The following CNNM2 variants were observed in gnomAD, a reference collection of about 807,000 sequenced individuals.
CNNM2 encodes metal transporter CNNM2.
In CNNM2, 12 loss-of-function variants were observed where a neutral mutation model predicts 66.9. That is an observed-to-expected ratio of 0.18 (90% CI 0.11 to 0.29). CNNM2 has a LOEUF of 0.29. CNNM2 is among the 10% of genes least tolerant of loss of function. The pLI, the probability that CNNM2 is intolerant of heterozygous loss-of-function variation, is 1.00. For missense variants in CNNM2, 705 were observed against 1,167.7 expected (o/e 0.60, Z 5.77); for synonymous variants, 557 against 501.8 (o/e 1.11, Z -1.47).
intron 1 of CNNM2, among the ~76,000 whole-genome samples, chr10:102,930,016 T>C (rs917562297): frequency 6.6e-6 from 1 of 152,226 alleles, no homozygotes; most frequent in Non-Finnish European, 1.5e-5. Context: ...AGTATTTTTT[T>C]CCCCTGGAAA....
At chr10:102,981,180 C>T (rs2063713524) in intron 1 of CNNM2, among the ~76,000 whole-genome samples, 1 of 151,666 alleles carries the variant, frequency 6.6e-6, no homozygotes, top group Non-Finnish European at 1.5e-5. Context: ...AACCCTATCT[C>T]TACAAAAAAA....
chr10:102,975,321 A>G (rs544908080), intron 1 of CNNM2, among the ~76,000 whole-genome samples: 1 of 152,310 alleles, frequency 6.6e-6, no homozygotes, highest in African/African-American at 2.4e-5. Flanking sequence ...ACATGTTATC[A>G]AATTTATTAT....
At chr10:102,921,839 T>C (rs749424959) in intron 1 of CNNM2, among the ~76,000 whole-genome samples, 5 of 152,222 alleles carry the variant, frequency 3.3e-5, no homozygotes, top group Admixed American at 6.5e-5. Context: ...TACTTCTTGC[T>C]GAAGTCTTTT....
In CNNM2 at chr10:103,089,665, TTCC is replaced by T; in HGVS notation, c.*12490_*12492del. The T allele has an allele frequency of 3.2e-6, 5 of 1,585,556 alleles. No homozygotes were observed. The highest frequency in any genetic ancestry group is 4.3e-6 in the Non-Finnish European group (5 of 1,166,122). ...TTAATGGGTGCTTGGGGTTTTGGTT[TTCC>T]TCCTTATTCTTCCTCCTCCTCCTCC... On this transcript the variant is annotated 3_prime_UTR_variant, in exon 8 of 8. Coordinates refer to ENST00000369878, the MANE Select transcript of CNNM2 (RefSeq NM_017649.5).
chr10:103,061,488 G>A (rs2065385394), intron 4 of CNNM2, among the ~76,000 whole-genome samples: 1 of 152,072 alleles, frequency 6.6e-6, no homozygotes, highest in Admixed American at 6.5e-5. Flanking sequence ...CAGAGTCAGT[G>A]TTCTGTTGGC....
rs981123557 is a variant in CNNM2 at position 103,087,000 on chromosome 10, G to T, written c.*9820G>T. 1.3e-5 allele frequency: 2 copies of T among 152,188 alleles called. No individual in the cohort carries two copies. Among genetic ancestry groups the T allele is most frequent in the Admixed American group, 6.5e-5 (1 of 15,280 alleles). The allele number at this position is 152,188 out of a possible 1,614,324, so 9.4% of individuals were successfully genotyped here. ...GCTAGGGGACCTGTCAGTACATGCT[G>T]TAAGGTTGGGAGTTCAGTCTAGCAA... On this transcript the variant is annotated 3_prime_UTR_variant, in exon 8 of 8. Coordinates refer to ENST00000369878, the MANE Select transcript of CNNM2 (RefSeq NM_017649.5).
chr10:103,020,111 T>C (rs2064541744), intron 1 of CNNM2, among the ~76,000 whole-genome samples: 1 of 152,202 alleles, frequency 6.6e-6, no homozygotes, highest in Non-Finnish European at 1.5e-5. Context: ...ATATTTTGAC[T>C]TTTTTAGCCA....
intron 6 of CNNM2, among the ~76,000 whole-genome samples, chr10:103,075,746 T>G (rs1025297296): frequency 6.6e-6 from 1 of 152,258 alleles, no homozygotes; most frequent in Non-Finnish European, 1.5e-5. Flanking sequence ...AGCTTCTGCA[T>G]GTTGGGCCTT....
In CNNM2 at chr10:102,935,218, C is replaced by A. The variant is rs143395327; in HGVS notation, c.1621+15117C>A. On this transcript the variant is annotated intron_variant, in intron 1 of 7. Coordinates refer to ENST00000369878, the MANE Select transcript of CNNM2 (RefSeq NM_017649.5). ...CAGACATGGTGGCCTGTAATCCTAG[C>A]GCTAACTTTGGGAGGTGGGAGGATT... 6.0e-5 allele frequency among the ~76,000 whole-genome samples: 9 copies of A among 149,758 alleles called. No homozygotes were observed. The East Asian group carries it at 1.6e-3, about 26-fold the overall frequency.
chr10:102,944,445 A>T (rs1469869880), intron 1 of CNNM2, among the ~76,000 whole-genome samples: 1 of 152,074 alleles, frequency 6.6e-6, no homozygotes, highest in Non-Finnish European at 1.5e-5. Context: ...TCTAATTCTC[A>T]TTCATCCTAC....
At chr10:102,972,753 G>T (rs771388227) in intron 1 of CNNM2, among the ~76,000 whole-genome samples, 4 of 152,096 alleles carry the variant, frequency 2.6e-5, no homozygotes, top group African/African-American at 4.8e-5. Context: ...GAGTGTGAAG[G>T]GGGTGGTGCT....
At chr10:103,053,845 GT>G (rs2065254764) in intron 2 of CNNM2, among the ~76,000 whole-genome samples, 12 of 152,132 alleles carry the variant, frequency 7.9e-5, no homozygotes. Flanking sequence ...TCTTAAGGGG[GT>G]TTTGTTTGTG....
intron 1 of CNNM2, among the ~76,000 whole-genome samples, chr10:102,929,097 T>C (rs1845975997): frequency 1.3e-5 from 2 of 151,872 alleles, no homozygotes; most frequent in South Asian, 4.2e-4. Context: ...CAGTCTCCAC[T>C]AAAAATACAA....
At chr10:103,052,608 G>A (rs1419281081) in intron 2 of CNNM2, among the ~76,000 whole-genome samples, 1 of 151,762 alleles carries the variant, frequency 6.6e-6, no homozygotes, top group Admixed American at 6.6e-5. Context: ...CCGCCTCCTG[G>A]GTTCAAGGGA....
At chr10:103,046,886 C>T (rs1367107547) in intron 1 of CNNM2, among the ~76,000 whole-genome samples, 2 of 152,162 alleles carry the variant, frequency 1.3e-5, no homozygotes, top group Admixed American at 6.5e-5. Flanking sequence ...AAACTCCATA[C>T]ATAGTAATTT....
intron 1 of CNNM2, 116 bp from the exon 2 acceptor site, chr10:103,049,591 A>G (rs919808848): frequency 1.9e-5 from 19 of 1,000,312 alleles, no homozygotes; most frequent in Non-Finnish European, 2.8e-5. Flanking sequence ...AAATGCTGAA[A>G]CAGAGATTTT....
rs1487658930 is a variant in CNNM2 at position 103,086,367 on chromosome 10, G to GTTACCAT, written c.*9190_*9196dup. ...ACTGTATGGCAATAGCTAGATCATA[G>GTTACCAT]TTACCATTTTTCCCACCATCAAAGA... On this transcript the variant is annotated 3_prime_UTR_variant, in exon 8 of 8. Coordinates refer to ENST00000369878, the MANE Select transcript of CNNM2 (RefSeq NM_017649.5). 6.6e-6 allele frequency: 1 copy of GTTACCAT among 152,190 alleles called. No individual in the cohort carries two copies. Among genetic ancestry groups the GTTACCAT allele is most frequent in the Non-Finnish European group, 1.5e-5 (1 of 68,048 alleles). The allele number at this position is 152,190 out of a possible 1,614,324, so 9.4% of individuals were successfully genotyped here. A position where few individuals can be genotyped will look rare whatever the true frequency, so the allele number is the denominator to read the frequency against.
At position 102,970,239 on chromosome 10, in the gene CNNM2, T is replaced by C. The variant is rs12569617; in HGVS notation, c.1621+50138T>C. ...GTTGAGGTGGGAGGATTGTTTGAGC[T>C]GAGGAGTTTGAGGCTGCAGTAGCCA... On this transcript the variant is annotated intron_variant, in intron 1 of 7. Coordinates refer to ENST00000369878, the MANE Select transcript of CNNM2 (RefSeq NM_017649.5). Among the ~76,000 whole-genome samples the C allele has an allele frequency of 0.41, 61,931 of 152,072 alleles. 12,831 individuals carry two copies. Among genetic ancestry groups the C allele is most frequent in the East Asian group, 0.56 (2,892 of 5,150 alleles).
At chr10:102,981,287 C>T (rs2063715628) in intron 1 of CNNM2, among the ~76,000 whole-genome samples, 1 of 151,954 alleles carries the variant, frequency 6.6e-6, no homozygotes, top group African/African-American at 2.4e-5. Context: ...GAGGTTGAGG[C>T]TGCAGTGAGC....
Sources: allele counts gnomAD v4.1 joint callset (sites outside exome capture counted in the v4.1 genomes callset), GRCh38; gene constraint gnomAD v4.1.1; transcripts MANE v1.5; gene names NCBI Gene and HGNC (gene_info 2026-07-23, HGNC 2026-07-21).